Variants in ESRRG observed in about 807,000 individuals in gnomAD.
The protein encoded by ESRRG is estrogen related receptor gamma, also known as estrogen-related receptor gamma.
Under a neutral mutation model 44.0 loss-of-function variants are expected in ESRRG, and 13 were observed. The ratio of observed to expected loss-of-function variants is 0.30; its 90% CI spans 0.19 to 0.47. The LOEUF (loss-of-function observed/expected upper bound fraction) is 0.47. Among genes scored for constraint, ESRRG ranks in the 20% least tolerant of loss-of-function variants. The pLI is 1.00. For synonymous variants in ESRRG, 215 were observed against 214.6 expected (o/e 1.00, Z -0.02); for missense variants, 395 against 580.6 (o/e 0.68, Z 3.29).
intron 2 of ESRRG, among the ~76,000 whole-genome samples, chr1:216,856,051 T>C (rs2095931482): frequency 1.3e-5 from 2 of 152,056 alleles, no homozygotes; most frequent in African/African-American, 4.8e-5. Context: ...ACCTACTACC[T>C]GGGGCATTGT....
chr1:216,963,697 G>A (rs1425805621), intron 1 of ESRRG, among the ~76,000 whole-genome samples: 1 of 152,176 alleles, frequency 6.6e-6, no homozygotes, highest in Non-Finnish European at 1.5e-5. Flanking sequence ...CCGAGAAGAG[G>A]AAAATCACGT....
At chr1:216,997,066 A>C (rs1365026475) in intron 1 of ESRRG, among the ~76,000 whole-genome samples, 1 of 152,224 alleles carries the variant, frequency 6.6e-6, no homozygotes, top group Non-Finnish European at 1.5e-5. Context: ...TGGAACTGCA[A>C]ATCATAAAAA....
intron 1 of ESRRG, among the ~76,000 whole-genome samples, chr1:216,722,075 TCTTA>T (rs71754534): frequency 0.019 from 2,869 of 152,318 alleles, 85 homozygotes; most frequent in African/African-American, 0.065. Context: ...ACTTTTCATC[TCTTA>T]CTTAATTACA....
chr1:216,785,923 C>A (rs2094112481), intron 2 of ESRRG, among the ~76,000 whole-genome samples: 1 of 152,104 alleles, frequency 6.6e-6, no homozygotes, highest in Non-Finnish European at 1.5e-5. Context: ...CAAATCATAA[C>A]ATTTTGCATG....
At chr1:216,703,362 T>C (rs1480396012) in intron 1 of ESRRG, among the ~76,000 whole-genome samples, 1 of 152,222 alleles carries the variant, frequency 6.6e-6, no homozygotes, top group Non-Finnish European at 1.5e-5. Flanking sequence ...CTCATCTGTG[T>C]TGGGCCGCAT....
intron 1 of ESRRG, among the ~76,000 whole-genome samples, chr1:217,026,320 G>C (rs540114301): frequency 4.6e-5 from 7 of 152,316 alleles, no homozygotes; most frequent in Admixed American, 3.9e-4. Context: ...GCCAAGAAAT[G>C]CTTCATTTCA....
intron 3 of ESRRG, among the ~76,000 whole-genome samples, chr1:216,575,087 C>G (rs935234053): frequency 2.0e-5 from 3 of 152,036 alleles, no homozygotes; most frequent in Non-Finnish European, 4.4e-5. Context: ...TAGTGCCAGC[C>G]TCTGATGGGG....
At chr1:216,619,721 AT>A (rs2061924777) in intron 3 of ESRRG, among the ~76,000 whole-genome samples, 1 of 152,140 alleles carries the variant, frequency 6.6e-6, no homozygotes, top group Non-Finnish European at 1.5e-5. Flanking sequence ...ATCCAATTGT[AT>A]TTTTCACAAC....
At chr1:217,109,150 T>G (rs917037148) in intron 1 of ESRRG, among the ~76,000 whole-genome samples, 23 of 152,076 alleles carry the variant, frequency 1.5e-4, no homozygotes, top group Non-Finnish European at 2.8e-4. Flanking sequence ...GAGCAAAGTA[T>G]CAGCTGGTTT....
chr1:216,821,232 C>T (rs1054750918), intron 2 of ESRRG, among the ~76,000 whole-genome samples: 11 of 152,300 alleles, frequency 7.2e-5, no homozygotes, highest in South Asian at 6.2e-4. Flanking sequence ...CTCACTAGGA[C>T]GTGCAGTTTC....
Position 216,753,175 on chromosome 1 carries a change from TAC to T in ESRRG, c.-13-75686_-13-75685del, listed in dbSNP as rs145640833. ...AAAGGACCATATATCTATATATTGA[TAC>T]ACACACACACACACACACAGAGTAG... On this transcript the variant is annotated intron_variant, in intron 2 of 7. Coordinates refer to the ESRRG transcript ENST00000359162. Among the ~76,000 whole-genome samples, 233 of 148,872 alleles carry T rather than the reference TAC, an allele frequency of 1.6e-3. 1 individual carries two copies. The highest frequency in any genetic ancestry group is 4.0e-3 in the Admixed American group (59 of 14,806).
At chr1:216,608,067 C>T (rs2150259924) in intron 3 of ESRRG, among the ~76,000 whole-genome samples, 1 of 152,308 alleles carries the variant, frequency 6.6e-6, no homozygotes, top group African/African-American at 2.4e-5. Flanking sequence ...CTTTCTATAA[C>T]TGAGCAGTCC....
chr1:216,637,532 C>T (rs1248132640), intron 3 of ESRRG, among the ~76,000 whole-genome samples: 2 of 152,160 alleles, frequency 1.3e-5, no homozygotes, highest in Non-Finnish European at 2.9e-5. Context: ...CCTTTTGACA[C>T]TCTGGTAAGA....
At chr1:217,115,895 C>A (rs1339641106) in intron 1 of ESRRG, among the ~76,000 whole-genome samples, 1 of 152,050 alleles carries the variant, frequency 6.6e-6, no homozygotes, top group Non-Finnish European at 1.5e-5. Flanking sequence ...ACTACTCAGC[C>A]CCCAGAACAG....
intron 2 of ESRRG, among the ~76,000 whole-genome samples, chr1:216,741,064 C>T (rs527276378): frequency 2.6e-4 from 40 of 151,636 alleles, no homozygotes; most frequent in African/African-American, 8.0e-4. Context: ...CCTCTCTCTT[C>T]TTTCACGCCC....
chr1:217,131,026 T>C (rs2092957633), intron 1 of ESRRG, among the ~76,000 whole-genome samples: 1 of 152,240 alleles, frequency 6.6e-6, no homozygotes, highest in Non-Finnish European at 1.5e-5. Flanking sequence ...CAGGTGGATA[T>C]GTTGAAAACA....
intron 1 of ESRRG, among the ~76,000 whole-genome samples, chr1:217,108,253 T>C (rs1322729658): frequency 6.6e-6 from 1 of 152,178 alleles, no homozygotes; most frequent in Non-Finnish European, 1.5e-5. Flanking sequence ...TTCAAATCTC[T>C]TCTTAATGCT....
chr1:216,774,798 C>CTTTTT (rs58598227), intron 2 of ESRRG, among the ~76,000 whole-genome samples: 36 of 110,814 alleles, frequency 3.2e-4, no homozygotes, highest in African/African-American at 1.2e-3. Context: ...ATAATTTCTT[C>CTTTTT]TTTTTTTTTT....
chr1:216,949,492 G>C (rs781247149), intron 1 of ESRRG, among the ~76,000 whole-genome samples: 1 of 152,110 alleles, frequency 6.6e-6, no homozygotes, highest in Non-Finnish European at 1.5e-5. Context: ...GGCAGTCAAT[G>C]CTTGCTTCTC....
Sources: allele counts gnomAD v4.1 joint callset (sites outside exome capture counted in the v4.1 genomes callset), GRCh38; gene constraint gnomAD v4.1.1; transcripts MANE v1.5; gene names NCBI Gene and HGNC (gene_info 2026-07-23, HGNC 2026-07-21).